Variants in DLGAP2 observed in about 807,000 individuals in gnomAD.
DLGAP2 encodes disks large-associated protein 2.
Under a neutral mutation model 100.3 loss-of-function variants are expected in DLGAP2, and 26 were observed. The observed-to-expected ratio is 0.26, with a 90% CI of 0.19 to 0.36. The LOEUF is 0.36. Among genes scored for constraint, DLGAP2 ranks in the 10% least tolerant of loss-of-function variants. The pLI is 1.00. For missense variants in DLGAP2, 1,858 were observed against 1,453.2 expected (o/e 1.28, Z -4.53); for synonymous variants, 886 against 630.1 (o/e 1.41, Z -6.08).
At chr8:1,139,475 G>T (rs537008272) in intron 2 of DLGAP2, among the ~76,000 whole-genome samples, 2 of 152,194 alleles carry the variant, frequency 1.3e-5, no homozygotes, top group African/African-American at 2.4e-5. Context: ...GTGTCCTCAC[G>T]TGGAGCAAGG....
intron 3 of DLGAP2, among the ~76,000 whole-genome samples, chr8:1,324,533 G>T (rs1403151734): frequency 6.6e-6 from 1 of 152,124 alleles, no homozygotes; most frequent in Non-Finnish European, 1.5e-5. Context: ...TTAACACATT[G>T]CTCAGGATGT....
chr8:1,540,789 C>G (rs969849439), intron 4 of DLGAP2, among the ~76,000 whole-genome samples: 4 of 152,252 alleles, frequency 2.6e-5, no homozygotes, highest in Non-Finnish European at 5.9e-5. Flanking sequence ...ATATGGCAAC[C>G]ATACAACCAT....
chr8:1,058,930 A>G (rs1046974258), intron 2 of DLGAP2, among the ~76,000 whole-genome samples: 2 of 152,246 alleles, frequency 1.3e-5, no homozygotes, highest in Non-Finnish European at 2.9e-5. Context: ...AACTGGTGTT[A>G]GAAGCTTGAG....
chr8:836,325 TATC>T (rs900485493), intron 1 of DLGAP2, among the ~76,000 whole-genome samples: 4 of 152,174 alleles, frequency 2.6e-5, no homozygotes, highest in Non-Finnish European at 5.9e-5. Context: ...GGTGAGAAGA[TATC>T]GGCTTGGTCC....
chr8:1,389,533 C>T (rs538095474), intron 3 of DLGAP2, among the ~76,000 whole-genome samples: 20 of 152,248 alleles, frequency 1.3e-4, no homozygotes, highest in African/African-American at 3.6e-4. Flanking sequence ...CGAGGCCGCT[C>T]GGTGCAGACC....
Position 1,191,372 on chromosome 8 carries a change from G to A in DLGAP2, c.74-67479G>A, listed in dbSNP as rs190087383. Among the ~76,000 whole-genome samples, 950 of 152,120 alleles carry A rather than the reference G, an allele frequency of 6.2e-3. 8 individuals carry two copies. The highest frequency in any genetic ancestry group is 0.02 in the African/African-American group (839 of 41,472). ...TTTTTGGTAGAGACGGGATTTCACC[G>A]TGTTAGCCAGGATGGTCTTGATCTC... On this transcript the variant is annotated intron_variant, in intron 2 of 14. Coordinates refer to ENST00000637795, the MANE Select transcript of DLGAP2 (RefSeq NM_001346810.2).
chr8:890,677 C>T (rs147152974), intron 1 of DLGAP2, among the ~76,000 whole-genome samples: 358 of 152,190 alleles, frequency 2.4e-3, no homozygotes, highest in Non-Finnish European at 3.7e-3. Context: ...CCGGTGCCAC[C>T]AGCAGAGCCA....
chr8:1,693,410 CTAAAG>C (rs766160493), intron 13 of DLGAP2, among the ~76,000 whole-genome samples: 1 of 151,648 alleles, frequency 6.6e-6, no homozygotes, highest in Non-Finnish European at 1.5e-5. Flanking sequence ...CCTTGGCTGA[CTAAAG>C]TATTCACTAT....
At chr8:1,252,034 CAG>C (rs944963485) in intron 2 of DLGAP2, among the ~76,000 whole-genome samples, 22 of 150,252 alleles carry the variant, frequency 1.5e-4, no homozygotes, top group Middle Eastern at 3.8e-3. Flanking sequence ...GTCACAATGT[CAG>C]AGTCATGTCA....
At chr8:1,234,554 C>A (rs1013704462) in intron 2 of DLGAP2, among the ~76,000 whole-genome samples, 4 of 152,194 alleles carry the variant, frequency 2.6e-5, no homozygotes, top group Admixed American at 6.5e-5. Context: ...AAACTAAGGT[C>A]ACATTCTGAG....
chr8:795,169 C>A (rs961329681), intron 1 of DLGAP2, among the ~76,000 whole-genome samples: 5 of 152,226 alleles, frequency 3.3e-5, no homozygotes, highest in Non-Finnish European at 5.9e-5. Flanking sequence ...ACCGTGAACA[C>A]TGAACCCTTG....
chr8:1,061,800 C>A (rs959339720), intron 2 of DLGAP2, among the ~76,000 whole-genome samples: 1 of 151,994 alleles, frequency 6.6e-6, no homozygotes, highest in Non-Finnish European at 1.5e-5. Context: ...GAGGGCTTTC[C>A]TCCTCCTCTG....
chr8:1,674,176 C>T (rs1487839757), intron 10 of DLGAP2, among the ~76,000 whole-genome samples: 2 of 152,228 alleles, frequency 1.3e-5, no homozygotes, highest in Non-Finnish European at 2.9e-5. Context: ...GCCTCAGCCT[C>T]CCGAGTAGCT....
chr8:1,374,696 C>T (rs992324401), intron 3 of DLGAP2, among the ~76,000 whole-genome samples: 1 of 150,588 alleles, frequency 6.6e-6, no homozygotes, highest in Non-Finnish European at 1.5e-5. Flanking sequence ...AATTATTCAT[C>T]CTTTTTGACT....
At chr8:1,407,553 C>G (rs1554460971) in intron 3 of DLGAP2, among the ~76,000 whole-genome samples, 1 of 126,914 alleles carries the variant, frequency 7.9e-6, no homozygotes, top group Non-Finnish European at 1.7e-5. Flanking sequence ...CTGAGCGCCA[C>G]CTCCTCATCC....
At chr8:772,515 G>T (rs1034674682) in intron 1 of DLGAP2, among the ~76,000 whole-genome samples, 4 of 151,908 alleles carry the variant, frequency 2.6e-5, no homozygotes, top group African/African-American at 9.7e-5. Context: ...TAGAGACGGG[G>T]TTTCACCATG....
At chr8:1,421,943 G>A (rs754642666) in intron 3 of DLGAP2, among the ~76,000 whole-genome samples, 9 of 152,112 alleles carry the variant, frequency 5.9e-5, no homozygotes, top group Non-Finnish European at 1.0e-4. Flanking sequence ...TCTAGCCTGG[G>A]CGACAAAGTG....
intron 1 of DLGAP2, among the ~76,000 whole-genome samples, chr8:833,667 G>A (rs1339595809): frequency 1.3e-5 from 2 of 152,214 alleles, no homozygotes; most frequent in African/African-American, 4.8e-5. Context: ...TCTGCCACGT[G>A]AGGTCACCAG....
At chr8:891,850 G>A (rs543671875) in intron 1 of DLGAP2, among the ~76,000 whole-genome samples, 6 of 152,172 alleles carry the variant, frequency 3.9e-5, no homozygotes, top group Non-Finnish European at 5.9e-5. Context: ...CAGCCGAGGA[G>A]GGGGAGGACC....
Sources: allele counts gnomAD v4.1 joint callset (sites outside exome capture counted in the v4.1 genomes callset), GRCh38; gene constraint gnomAD v4.1.1; transcripts MANE v1.5; gene names NCBI Gene and HGNC (gene_info 2026-07-23, HGNC 2026-07-21).